Variants in PPEF1 observed in about 807,000 individuals in gnomAD.
The protein encoded by PPEF1 is serine/threonine-protein phosphatase with EF-hands 1.
A neutral mutation model predicts 53.3 loss-of-function variants in PPEF1; 12 were observed. The observed-to-expected ratio is 0.23, with a 90% CI of 0.14 to 0.36. PPEF1 has a LOEUF of 0.36. Among genes scored for constraint, PPEF1 ranks in the 10% least tolerant of loss-of-function variants. PPEF1 has a pLI of 1.00. For synonymous variants in PPEF1, 165 were observed against 176.7 expected (o/e 0.93, Z 0.52); for missense variants, 334 against 490.4 (o/e 0.68, Z 3.01).
intron 5 of PPEF1, among the ~76,000 whole-genome samples, chrX:18,759,217 G>T (rs1184999027): frequency 9.0e-6 from 1 of 111,082 alleles, no homozygotes; most frequent in African/African-American, 3.3e-5. Context: ...AAAAGACAAG[G>T]CCAGTGGGTT....
intron 1 of PPEF1, among the ~76,000 whole-genome samples, chrX:18,684,039 C>G (rs1231328961): frequency 8.9e-6 from 1 of 112,341 alleles, no homozygotes; most frequent in Non-Finnish European, 1.9e-5. Context: ...TCACCCGTAG[C>G]TCTCTCCTGT....
intron 14 of PPEF1, 43 bp downstream of exon 14, chrX:18,824,129 A>T (rs2047117693): frequency 8.9e-7 from 1 of 1,129,416 alleles, no homozygotes; most frequent in South Asian, 2.1e-5. Flanking sequence ...CCAGGGTGAA[A>T]CATAACTTAG....
chrX:18,713,462 TG>T (rs2147304205), intron 1 of PPEF1, among the ~76,000 whole-genome samples: 1 of 98,117 alleles, frequency 1.0e-5, no homozygotes, highest in Non-Finnish European at 2.0e-5. Flanking sequence ...TTGCTCCTTA[TG>T]GAGCAGGGCA....
Position 18,707,838 on chromosome X carries a change from G to C in PPEF1, c.46+12G>C. 2 of 1,199,379 alleles carry C rather than the reference G, an allele frequency of 1.7e-6. No individual in the cohort carries two copies. The highest frequency in any genetic ancestry group is 2.3e-6 in the Non-Finnish European group (2 of 884,620). ...GAGATCTGACACATGTGAGTACTGG[G>C]AATGTGCCTGTGGTTATGAATGAAA... On this transcript the variant is annotated intron_variant, in intron 1 of 15. Coordinates refer to ENST00000470157, the MANE Select transcript of PPEF1 (RefSeq NM_001377996.1).
At chrX:18,745,124 AT>A (rs1483871155) in intron 3 of PPEF1, among the ~76,000 whole-genome samples, 49 of 94,504 alleles carry the variant, frequency 5.2e-4, no homozygotes, top group South Asian at 1.2e-3. Flanking sequence ...TATTATATAT[AT>A]TATATAATTA....
At chrX:18,826,678 A>G (rs1350568508) in intron 15 of PPEF1, among the ~76,000 whole-genome samples, 2 of 109,829 alleles carry the variant, frequency 1.8e-5, no homozygotes, top group African/African-American at 6.6e-5. Context: ...TGCCCACCTC[A>G]GCCTCCCAAA....
intron 5 of PPEF1, chrX:18,699,981 A>G (rs1046055142): frequency 8.9e-6 from 1 of 112,218 alleles, no homozygotes; most frequent in Admixed American, 9.5e-5. Context: ...GGTCCTGCCC[A>G]TGCGGAGCCT....
intron 12 of PPEF1, among the ~76,000 whole-genome samples, chrX:18,811,112 GCA>G (rs1208363954): frequency 1.8e-5 from 2 of 111,908 alleles, no homozygotes; most frequent in East Asian, 5.6e-4. Flanking sequence ...GAGTGCAGTG[GCA>G]CAGTCTTGGC....
chrX:18,793,880 C>T (rs1310198375), intron 10 of PPEF1, among the ~76,000 whole-genome samples: 1 of 111,510 alleles, frequency 9.0e-6, no homozygotes, highest in Admixed American at 9.5e-5. Flanking sequence ...AGTGTGCAGC[C>T]TCTGATGTCA....
intron 1 of PPEF1, among the ~76,000 whole-genome samples, chrX:18,713,119 T>G (rs1257499881): frequency 8.9e-6 from 1 of 111,816 alleles, no homozygotes; most frequent in Non-Finnish European, 1.9e-5. Context: ...ACTGTCAGGG[T>G]AATATTGGCC....
At chrX:18,728,211 A>G (rs1352360684) in intron 1 of PPEF1, among the ~76,000 whole-genome samples, 1 of 110,471 alleles carries the variant, frequency 9.1e-6, no homozygotes, top group East Asian at 2.8e-4. Flanking sequence ...CTCTATATAT[A>G]TATCTTGTAT....
intron 4 of PPEF1, among the ~76,000 whole-genome samples, chrX:18,692,687 C>T (rs1205361504): frequency 9.0e-6 from 1 of 111,682 alleles, no homozygotes; most frequent in African/African-American, 3.3e-5. Context: ...TGCTTTTCCC[C>T]ATTCATCACC....
At chrX:18,708,090 A>G (rs1489568557) in intron 1 of PPEF1, among the ~76,000 whole-genome samples, 1 of 112,526 alleles carries the variant, frequency 8.9e-6, no homozygotes, top group African/African-American at 3.2e-5. Context: ...CTCAATTTAA[A>G]ACTCAGTGGC....
chrX:18,759,702 C>T (rs989043218), intron 5 of PPEF1, among the ~76,000 whole-genome samples: 2 of 111,565 alleles, frequency 1.8e-5, no homozygotes, highest in African/African-American at 6.5e-5. Flanking sequence ...CACAATGATA[C>T]TAATATGCTA....
chrX:18,787,756 C>CAAA (rs11444215), intron 9 of PPEF1, among the ~76,000 whole-genome samples: 20 of 52,549 alleles, frequency 3.8e-4, no homozygotes, highest in African/African-American at 1.4e-3. Flanking sequence ...CCCATCTTTA[C>CAAA]AAAAAAAAAA....
chrX:18,792,749 A>C (rs1442392191), intron 10 of PPEF1, among the ~76,000 whole-genome samples: 1 of 111,971 alleles, frequency 8.9e-6, no homozygotes, highest in Non-Finnish European at 1.9e-5. Flanking sequence ...ACGCACAAAC[A>C]AAGCAAGGAA....
At chrX:18,742,977 T>G (rs1882062690) in intron 3 of PPEF1, among the ~76,000 whole-genome samples, 1 of 112,458 alleles carries the variant, frequency 8.9e-6, no homozygotes, top group Admixed American at 9.4e-5. Flanking sequence ...CCAGGCCTCT[T>G]AAGGCCTATG....
At chrX:18,750,943 T>C (rs751476432) in intron 4 of PPEF1, among the ~76,000 whole-genome samples, 130 of 111,929 alleles carry the variant, frequency 1.2e-3, no homozygotes, top group Non-Finnish European at 2.1e-3. Context: ...TGACTAATGA[T>C]GTTGAGCATC....
intron 4 of PPEF1, among the ~76,000 whole-genome samples, chrX:18,757,035 C>A (rs757230318): frequency 9.0e-6 from 1 of 110,933 alleles, no homozygotes; most frequent in African/African-American, 3.3e-5. Flanking sequence ...CCTAATGAGA[C>A]CCTATCTCTT....
Sources: allele counts gnomAD v4.1 joint callset (sites outside exome capture counted in the v4.1 genomes callset), GRCh38; gene constraint gnomAD v4.1.1; transcripts MANE v1.5; gene names NCBI Gene and HGNC (gene_info 2026-07-23, HGNC 2026-07-21).